ACTN4: variants seen among roughly 807,000 people sequenced by gnomAD.
The protein encoded by ACTN4 is actinin alpha 4, also known as alpha-actinin-4.
ACTN4 carries 18 observed loss-of-function variants against 114.2 expected under a neutral mutation model. That is an observed-to-expected ratio of 0.16 (90% CI 0.11 to 0.23). The LOEUF (loss-of-function observed/expected upper bound fraction) is 0.23, where lower values mean the gene tolerates loss of function less well. ACTN4 is among the 10% of genes least tolerant of loss of function. The probability of loss-of-function intolerance (pLI) is 1.00; values close to 1 mark genes in which losing one functional copy is unlikely to be tolerated. For missense variants in ACTN4, 722 were observed against 1,262.9 expected, an observed-to-expected ratio of 0.57 and a Z score of 6.49; for synonymous variants, 515 against 506.3, an observed-to-expected ratio of 1.02 and a Z score of -0.23.
chr19:38,647,786 GC>G lies in ACTN4; in HGVS notation c.45del (p.Ser16AlafsTer89). ...GCGGCGAACCAGTCGTACCAGTACGGCCCCAGCAGCGCGGGCAATGGCGCTG... is the reference window on the plus strand; with the variant it reads ...GCGGCGAACCAGTCGTACCAGTACGGCCCAGCAGCGCGGGCAATGGCGCTG... ...YHAANQSYQY[G>X]PSSAGNGAGG... On this transcript the variant is annotated frameshift_variant, in exon 1 of 21. Transcript: ENST00000252699. LOFTEE classifies it high-confidence loss of function. 1 of 1,555,398 alleles carries G rather than the reference GC, an allele frequency of 6.4e-7. No individual in the cohort carries two copies. Among genetic ancestry groups the G allele is most frequent in the Non-Finnish European group, 8.7e-7 (1 of 1,152,372 alleles).
intron 1 of ACTN4, among the ~76,000 whole-genome samples, chr19:38,690,853 T>C (rs1468072505): frequency 6.6e-6 from 1 of 152,234 alleles, no homozygotes; most frequent in African/African-American, 2.4e-5. Context: ...ATTTCAATTT[T>C]TAAAAATTGA....
chr19:38,673,446 T>TATATATATTC (rs1203463769), intron 1 of ACTN4, among the ~76,000 whole-genome samples: 2 of 97,538 alleles, frequency 2.1e-5, no homozygotes, highest in Non-Finnish European at 4.2e-5. Flanking sequence ...ATTTTTTATA[T>TATATATATTC]ATATATATTC....
At position 38,700,941 on chromosome 19, in the gene ACTN4, G is replaced by T. The variant is rs892673777; in HGVS notation, c.278-61G>T. On this transcript the variant is annotated intron_variant, in intron 2 of 20. Transcript: ENST00000252699. The stretch of plus-strand genomic sequence containing the variant: ...AGACTCTAAAGCCTCTCTCCCTCTC[G>T]CCCTCTCTCCCTTTCTCTCTCTCTG... 15 of 1,598,870 alleles carry T rather than the reference G, an allele frequency of 9.4e-6. No individual in the cohort carries two copies. The African/African-American group carries it at 1.5e-4, about 16-fold the overall frequency.
Position 38,724,309 on chromosome 19 carries a change from C to T in ACTN4, c.1845C>T (p.Thr615=), listed in dbSNP as rs577180025. The change falls in exon 15 of 21, where the codon ACC becomes ACT. Residue 615 remains threonine (T), a synonymous_variant. Coordinates refer to ENST00000252699, the MANE Select transcript of ACTN4 (RefSeq NM_004924.6). This position sits in a 1 kb window ranked among gnomAD's most constrained non-coding sequence, Gnocchi z 7.0. ...GCAGCAACCCCTACACCACCGTCAC[C>T]CCGCAAATCATCAACTCCAAGTGGG... The part of the protein sequence containing the change: ...LSGSNPYTTV[T]PQIINSKWEK... The T allele has an allele frequency of 8.1e-6, 13 of 1,613,848 alleles. No individual in the cohort carries two copies. The Admixed American group carries it at 1.8e-4, about 23-fold the overall frequency.
At chr19:38,649,320 T>C (rs1227629489) in intron 1 of ACTN4, among the ~76,000 whole-genome samples, 1 of 118,988 alleles carries the variant, frequency 8.4e-6, no homozygotes, top group Non-Finnish European at 1.7e-5. Flanking sequence ...TCTGAGTGTG[T>C]GCAGGAAGAG....
chr19:38,676,250 C>G (rs1967371300), intron 1 of ACTN4, among the ~76,000 whole-genome samples: 1 of 152,196 alleles, frequency 6.6e-6, no homozygotes, highest in African/African-American at 2.4e-5. Flanking sequence ...GAAAATTTAT[C>G]CTGAGTTCCA....
At chr19:38,711,431 G>A (rs899199) in intron 8 of ACTN4, 48,817 of 776,224 alleles carry the variant, frequency 0.063, 1,653 homozygotes, top group South Asian at 0.095. Flanking sequence ...TTGCATCACC[G>A]CTGGCCATCT....
chr19:38,678,209 C>T (rs1967438966), intron 1 of ACTN4, among the ~76,000 whole-genome samples: 1 of 152,196 alleles, frequency 6.6e-6, no homozygotes, highest in African/African-American at 2.4e-5. Flanking sequence ...AGGCCCTTGC[C>T]CTTAAAAATG....
chr19:38,720,098 A>G (rs777032644), intron 11 of ACTN4, among the ~76,000 whole-genome samples: 2 of 152,220 alleles, frequency 1.3e-5, no homozygotes, highest in East Asian at 3.9e-4. Flanking sequence ...CAGGACAGGC[A>G]GGCCCTCCAC....
At chr19:38,679,152 T>C (rs1967468668) in intron 1 of ACTN4, among the ~76,000 whole-genome samples, 2 of 152,240 alleles carry the variant, frequency 1.3e-5, no homozygotes, top group Admixed American at 1.3e-4. Flanking sequence ...TGCTTGGCTA[T>C]TGGCCTGGGC....
At chr19:38,700,831 C>CCTT in intron 2 of ACTN4, 117 bp downstream of exon 2, 1 of 1,365,854 alleles carries the variant, frequency 7.3e-7, no homozygotes, top group Non-Finnish European at 1.0e-6. Context: ...AGAGGGCACC[C>CCTT]CTTAATAGCT....
chr19:38,699,467 G>T (rs954403003), intron 1 of ACTN4, among the ~76,000 whole-genome samples: 1 of 152,144 alleles, frequency 6.6e-6, no homozygotes, highest in African/African-American at 2.4e-5. Flanking sequence ...AAAATAGGAA[G>T]GATAGGGCTG....
intron 8 of ACTN4, chr19:38,711,279 T>C (rs1381832961): frequency 3.9e-6 from 4 of 1,023,974 alleles, no homozygotes; most frequent in Non-Finnish European, 3.5e-6. Context: ...TGTGCAGATA[T>C]TGTGGGCACT....
At chr19:38,700,947 T>C in intron 2 of ACTN4, 55 bp from the exon 3 acceptor site, 2 of 1,605,014 alleles carry the variant, frequency 1.2e-6, no homozygotes, top group Non-Finnish European at 8.5e-7. Flanking sequence ...TCTCGCCCTC[T>C]CTCCCTTTCT....
intron 8 of ACTN4, among the ~76,000 whole-genome samples, chr19:38,712,616 T>C (rs1968693974): frequency 6.6e-6 from 1 of 151,716 alleles, no homozygotes; most frequent in Non-Finnish European, 1.5e-5. Flanking sequence ...AGTGTTCTGC[T>C]AGAGGGCACG....
chr19:38,706,006 T>C, intron 4 of ACTN4, 38 bp from the exon 5 acceptor site: 1 of 1,608,904 alleles, frequency 6.2e-7, no homozygotes, highest in Non-Finnish European at 8.5e-7. Flanking sequence ...GAGGGTTTAT[T>C]TTTGAGCCAG....
At chr19:38,665,376 T>G (rs892230328) in intron 1 of ACTN4, among the ~76,000 whole-genome samples, 1 of 152,218 alleles carries the variant, frequency 6.6e-6, no homozygotes, top group Non-Finnish European at 1.5e-5. Context: ...GACGTGATAG[T>G]GCGCAGGAAG....
In ACTN4 at chr19:38,729,652, G is replaced by T. The variant is rs781658234; in HGVS notation, c.*220G>T. The T allele has an allele frequency of 2.7e-6, 2 of 727,334 alleles. No individual in the cohort carries two copies. Among genetic ancestry groups the T allele is most frequent in the East Asian group, 2.7e-5 (1 of 37,098 alleles). 45.1% of individuals were successfully genotyped at this position (727,334 alleles called of 1,614,324 possible). ...CAGGTTGGGGAGACTTGGGGCCAGCGCTTCTGGTCTGGTAAATATGTATGA... is the reference window on the plus strand; with the variant it reads ...CAGGTTGGGGAGACTTGGGGCCAGCTCTTCTGGTCTGGTAAATATGTATGA... On this transcript the variant is annotated 3_prime_UTR_variant, in exon 21 of 21. Coordinates refer to ENST00000252699, the MANE Select transcript of ACTN4 (RefSeq NM_004924.6).
chr19:38,706,546 T>C (rs1045281583), intron 5 of ACTN4, among the ~76,000 whole-genome samples: 6 of 152,208 alleles, frequency 3.9e-5, no homozygotes, highest in African/African-American at 1.4e-4. Flanking sequence ...CCCAAGTAGC[T>C]GGGACTGCAG....
Sources: gnomAD v4.1 joint callset for allele counts (sites outside exome capture counted in the v4.1 genomes callset) on GRCh38, gnomAD v4.1.1 for gene constraint, Gnocchi (gnomAD v3.1) non-coding constraint, MANE v1.5 for transcripts, NCBI Gene and HGNC (gene_info 2026-07-23, HGNC 2026-07-21) for gene names.